The following NHSL1 variants were observed in gnomAD, a reference collection of about 807,000 sequenced individuals.
The protein encoded by NHSL1 is NHS like 1.
Under a neutral mutation model 95.0 loss-of-function variants are expected in NHSL1, and 48 were observed. The observed-to-expected ratio is 0.51, with a 90% CI of 0.40 to 0.64. The LOEUF (loss-of-function observed/expected upper bound fraction) is 0.64, where lower values mean the gene tolerates loss of function less well. Ranked by LOEUF, NHSL1 falls within the 30% of genes least tolerant of loss-of-function variation. The pLI, the probability that NHSL1 is intolerant of heterozygous loss-of-function variation, is 0.00. For missense variants in NHSL1, 1,971 were observed against 2,077.7 expected, an observed-to-expected ratio of 0.95 and a Z score of 1.00; for synonymous variants, 783 against 833.9, an observed-to-expected ratio of 0.94 and a Z score of 1.05.
chr6:138,681,226 A>G (rs1283476786), intron 1 of NHSL1, among the ~76,000 whole-genome samples: 1 of 152,188 alleles, frequency 6.6e-6, no homozygotes, highest in Non-Finnish European at 1.5e-5. Context: ...AATAACATAA[A>G]TTAATATTTT....
chr6:138,637,387 GA>G (rs1377682697), intron 1 of NHSL1, among the ~76,000 whole-genome samples: 5 of 152,112 alleles, frequency 3.3e-5, no homozygotes, highest in African/African-American at 1.2e-4. Context: ...AAGCAAAAAT[GA>G]ACACATTGGA....
At chr6:138,640,452 G>T (rs577661802) in intron 1 of NHSL1, among the ~76,000 whole-genome samples, 12 of 151,864 alleles carry the variant, frequency 7.9e-5, no homozygotes, top group African/African-American at 2.9e-4. Flanking sequence ...GATTTTCTTC[G>T]GCCTCTGCCA....
At chr6:138,503,894 T>C (rs1422421194), upstream of NHSL1, among the ~76,000 whole-genome samples, 4 of 152,092 alleles carry the variant, frequency 2.6e-5, no homozygotes, top group East Asian at 1.9e-4. Context: ...CTTTTTTTTT[T>C]CCTCCATGAA....
chr6:138,613,971 A>G (rs535229067), intron 1 of NHSL1, among the ~76,000 whole-genome samples: 27 of 152,318 alleles, frequency 1.8e-4, no homozygotes, highest in African/African-American at 6.0e-4. Flanking sequence ...GACAATTTCT[A>G]TGGTAACAAT....
At chr6:138,463,797 C>T (rs772362284) in intron 3 of NHSL1, among the ~76,000 whole-genome samples, 5 of 152,070 alleles carry the variant, frequency 3.3e-5, no homozygotes, top group Non-Finnish European at 5.9e-5. Context: ...ATATGTCACT[C>T]GGTAGTCTGC....
At chr6:138,472,775 T>C (rs574649204) in intron 3 of NHSL1, among the ~76,000 whole-genome samples, 3 of 152,318 alleles carry the variant, frequency 2.0e-5, no homozygotes, top group Admixed American at 1.3e-4. Flanking sequence ...AAATGTAAAA[T>C]AGCATCACTA....
At chr6:138,539,446 A>G (rs1230655401) in intron 1 of NHSL1, among the ~76,000 whole-genome samples, 2 of 152,128 alleles carry the variant, frequency 1.3e-5, no homozygotes, top group African/African-American at 4.8e-5. Context: ...TGCCTTGCCT[A>G]TTAACTATCA....
chr6:138,673,212 T>C (rs2114767040), intron 1 of NHSL1, among the ~76,000 whole-genome samples: 1 of 152,086 alleles, frequency 6.6e-6, no homozygotes, highest in East Asian at 1.9e-4. Context: ...TTTCTAATCA[T>C]GCTAAATACT....
intron 3 of NHSL1, among the ~76,000 whole-genome samples, chr6:138,461,345 A>G (rs74542382): frequency 1.3e-5 from 2 of 152,066 alleles, no homozygotes; most frequent in Admixed American, 6.6e-5. Context: ...AAGGAGTCAG[A>G]CTGCTACAGA....
At chr6:138,579,350 C>T (rs1330882584) in intron 1 of NHSL1, among the ~76,000 whole-genome samples, 4 of 152,144 alleles carry the variant, frequency 2.6e-5, no homozygotes, top group Admixed American at 1.3e-4. Flanking sequence ...CAAGTTTCAG[C>T]GTAAGGAGAT....
At chr6:138,576,094 C>A (rs913471219), upstream of NHSL1, among the ~76,000 whole-genome samples, 4 of 152,054 alleles carry the variant, frequency 2.6e-5, no homozygotes, top group Admixed American at 1.3e-4. Context: ...CGGGTTTAAG[C>A]GATTCTCTTT....
intron 1 of NHSL1, chr6:138,571,574 G>A (rs574559386): frequency 2.0e-5 from 15 of 757,630 alleles, no homozygotes; most frequent in Middle Eastern, 6.7e-4. Context: ...AAATGACGCC[G>A]AATTCCAATA....
At chr6:138,450,544 C>T (rs186676366) in intron 3 of NHSL1, among the ~76,000 whole-genome samples, 8 of 152,340 alleles carry the variant, frequency 5.3e-5, no homozygotes, top group African/African-American at 1.9e-4. Flanking sequence ...TGGTGCTCAT[C>T]AGCCCCACTA....
intron 3 of NHSL1, among the ~76,000 whole-genome samples, chr6:138,452,896 T>G (rs1020438020): frequency 6.6e-6 from 1 of 152,140 alleles, no homozygotes; most frequent in South Asian, 2.1e-4. Context: ...GAAGCACAGT[T>G]CATGGTTCAT....
chr6:138,563,619 T>C (rs1407459395), intron 1 of NHSL1, among the ~76,000 whole-genome samples: 2 of 152,238 alleles, frequency 1.3e-5, no homozygotes, highest in African/African-American at 2.4e-5. Context: ...CAAACATTCA[T>C]TTATTCAATA....
intron 1 of NHSL1, among the ~76,000 whole-genome samples, chr6:138,587,455 C>T (rs35159063): frequency 0.028 from 4,058 of 146,560 alleles, 188 homozygotes; most frequent in African/African-American, 0.097. Context: ...TGATGGTGGG[C>T]GCCTGCAATC....
At chr6:138,674,808 G>A (rs552756904) in intron 1 of NHSL1, among the ~76,000 whole-genome samples, 1 of 152,280 alleles carries the variant, frequency 6.6e-6, no homozygotes, top group South Asian at 2.1e-4. Flanking sequence ...ACAACAGAAT[G>A]ATTTATATTC....
chr6:138,437,383 T>C (rs1187749451), intron 5 of NHSL1, among the ~76,000 whole-genome samples: 1 of 82,938 alleles, frequency 1.2e-5, no homozygotes, highest in East Asian at 3.6e-4. Context: ...CACATATATA[T>C]ATACACATAT....
intron 1 of NHSL1, among the ~76,000 whole-genome samples, chr6:138,675,693 C>T: frequency 6.6e-6 from 1 of 152,116 alleles, no homozygotes; most frequent in East Asian, 1.9e-4. Flanking sequence ...TGTCCCCACA[C>T]CAGCTGATTT....
Sources: gnomAD v4.1 joint callset for allele counts (sites outside exome capture counted in the v4.1 genomes callset) on GRCh38, gnomAD v4.1.1 for gene constraint, MANE v1.5 for transcripts, NCBI Gene and HGNC (gene_info 2026-07-23, HGNC 2026-07-21) for gene names.